The following AGR2 variants were observed in gnomAD, a reference collection of about 807,000 sequenced individuals.
The protein encoded by AGR2 is anterior gradient 2, protein disulphide isomerase family member.
A neutral mutation model predicts 25.9 loss-of-function variants in AGR2; 27 were observed. That is an observed-to-expected ratio of 1.04 (90% CI 0.77 to 1.44). The LOEUF (loss-of-function observed/expected upper bound fraction) is 1.44. Among genes scored for constraint, AGR2 ranks in the 40% most tolerant of loss-of-function variants. The pLI, the probability that AGR2 is intolerant of heterozygous loss-of-function variation, is 0.00. For synonymous variants in AGR2, 78 were observed against 72.0 expected, an observed-to-expected ratio of 1.08 and a Z score of -0.42; for missense variants, 182 against 200.9, an observed-to-expected ratio of 0.91 and a Z score of 0.57.
chr7:16,801,453 G>T, intron 2 of AGR2, 70 bp from the exon 3 acceptor site: 2 of 1,444,956 alleles, frequency 1.4e-6, no homozygotes, highest in South Asian at 1.2e-5. Context: ...AAAAGCAATG[G>T]TAAAGACTGG....
At chr7:16,802,928 G>A (rs1046029629) in intron 1 of AGR2, among the ~76,000 whole-genome samples, 17 of 152,000 alleles carry the variant, frequency 1.1e-4, no homozygotes, top group Non-Finnish European at 2.1e-4. Flanking sequence ...CACCTCCTGG[G>A]TTCAAGTGAT....
At chr7:16,801,294 G>C (rs1415360211) in intron 3 of AGR2, 26 bp downstream of exon 3, 3 of 1,609,120 alleles carry the variant, frequency 1.9e-6, no homozygotes, top group Non-Finnish European at 2.6e-6. Flanking sequence ...AGCTTTGAGG[G>C]AGCTCTGAGT....
At chr7:16,803,233 T>A (rs1312994119) in intron 1 of AGR2, 1 of 152,086 alleles carries the variant, frequency 6.6e-6, no homozygotes, top group Admixed American at 6.6e-5. Flanking sequence ...CAAGATAAGT[T>A]TTGTGAGTGA....
At chr7:16,796,041 G>A (rs1361910730) in intron 6 of AGR2, among the ~76,000 whole-genome samples, 2 of 152,214 alleles carry the variant, frequency 1.3e-5, no homozygotes, top group African/African-American at 4.8e-5. Flanking sequence ...CAGCTCACCT[G>A]GCTGCACATT....
rs113958518 is a variant in AGR2 at position 16,795,777 on chromosome 7, C to A, written c.395-758G>T. ...AATCGAAAGAACCTAGGACACGTGCCCTGAAAATGAGACAAGGAAGACATG... is the reference window on the plus strand; with the variant it reads ...AATCGAAAGAACCTAGGACACGTGCACTGAAAATGAGACAAGGAAGACATG... On this transcript the variant is annotated intron_variant, in intron 6 of 7. Coordinates refer to ENST00000419304, the MANE Select transcript of AGR2 (RefSeq NM_006408.4). 3.9e-5 allele frequency among the ~76,000 whole-genome samples: 6 copies of A among 152,092 alleles called. No homozygotes were observed. The East Asian group carries it at 1.2e-3, about 29-fold the overall frequency.
chr7:16,800,328 C>T (rs1357291518), intron 4 of AGR2, among the ~76,000 whole-genome samples: 2 of 152,130 alleles, frequency 1.3e-5, no homozygotes, highest in East Asian at 3.9e-4. Context: ...GGGTAGGCCA[C>T]TGTGGGCAGG....
rs745671356 is a variant in AGR2, at chr7:16,793,009, A to G, written c.479-52T>C. Reference sequence around the variant, plus strand: ...CAAGACACCATCGTGCGTTATATCGATATAATAAACCCCAAACTTGGATGC... The same window carrying G: ...CAAGACACCATCGTGCGTTATATCGGTATAATAAACCCCAAACTTGGATGC... On this transcript the variant is annotated intron_variant, in intron 7 of 7. Coordinates refer to ENST00000419304, the MANE Select transcript of AGR2 (RefSeq NM_006408.4). The G allele has an allele frequency of 2.0e-6, 3 of 1,538,062 alleles. No homozygotes were observed. In the Admixed American group the frequency reaches 5.1e-5, roughly 26 times the overall value.
chr7:16,794,807 G>A (rs570447718), intron 7 of AGR2, 129 bp downstream of exon 7: 96 of 1,547,190 alleles, frequency 6.2e-5, no homozygotes, highest in Non-Finnish European at 7.2e-5. Flanking sequence ...GCTAGTTAGG[G>A]TCAAACTGAG....
intron 5 of AGR2, among the ~76,000 whole-genome samples, chr7:16,798,346 G>C (rs1296055325): frequency 6.6e-6 from 1 of 152,180 alleles, no homozygotes; most frequent in Admixed American, 6.5e-5. Context: ...ACTTCATGCA[G>C]GGGGAAGAGT....
rs756231760 is a variant in AGR2 at position 16,799,821 on chromosome 7, T to C, written c.257-4A>G. ...TCAGCAAACACTTTCTTTAAAGCTA[T>C]AATATAAAGAAAAATCATTAAGCAT... is the stretch of plus-strand genomic sequence containing the variant. On this transcript the variant is annotated splice_polypyrimidine_tract_variant and splice_region_variant and intron_variant, in intron 4 of 7. Transcript: ENST00000419304. 1 of 1,594,596 alleles carries C rather than the reference T, an allele frequency of 6.3e-7. No individual in the cohort carries two copies. Among genetic ancestry groups the C allele is most frequent in the South Asian group, 1.1e-5 (1 of 89,918 alleles).
intron 1 of AGR2, among the ~76,000 whole-genome samples, chr7:16,803,923 ATATATATT>A (rs1256282775): frequency 1.3e-5 from 2 of 152,216 alleles, no homozygotes; most frequent in African/African-American, 4.8e-5. Context: ...AACAGCATCT[ATATATATT>A]CTAAAAAATA....
At chr7:16,795,168 C>G (rs1785023744) in intron 6 of AGR2, 149 bp from the exon 7 acceptor site, 1 of 830,242 alleles carries the variant, frequency 1.2e-6, no homozygotes, top group Non-Finnish European at 1.9e-6. Flanking sequence ...TCCATCCACT[C>G]TACTACCCAG....
chr7:16,799,631 T>G, intron 5 of AGR2, 113 bp downstream of exon 5: 2 of 646,112 alleles, frequency 3.1e-6, no homozygotes, highest in Non-Finnish European at 5.2e-6. Context: ...GATGGGATAT[T>G]TGGAAGCAAT....
intron 6 of AGR2, among the ~76,000 whole-genome samples, chr7:16,796,555 G>A (rs1330906418): frequency 6.6e-6 from 1 of 152,160 alleles, no homozygotes; most frequent in Non-Finnish European, 1.5e-5. Context: ...AAATCAGTAT[G>A]ACTTTGAACA....
At chr7:16,802,381 A>G (rs1785164021) in intron 1 of AGR2, among the ~76,000 whole-genome samples, 1 of 152,200 alleles carries the variant, frequency 6.6e-6, no homozygotes, top group Non-Finnish European at 1.5e-5. Flanking sequence ...TAATGGGGGA[A>G]CTACCGTAAT....
intron 1 of AGR2, among the ~76,000 whole-genome samples, chr7:16,804,007 A>G (rs1344091095): frequency 6.6e-6 from 1 of 152,140 alleles, no homozygotes; most frequent in Non-Finnish European, 1.5e-5. Flanking sequence ...CCAAGTAGCT[A>G]TTAGGACCTT....
chr7:16,800,114 A>T (rs1562527693), intron 4 of AGR2, among the ~76,000 whole-genome samples: 1 of 152,086 alleles, frequency 6.6e-6, no homozygotes, highest in Non-Finnish European at 1.5e-5. Flanking sequence ...TGCAGTGAAC[A>T]AAAAAAAGCA....
rs555706251 is a variant in AGR2 at position 16,800,842 on chromosome 7, T to C, written c.256+309A>G. On this transcript the variant is annotated intron_variant, in intron 4 of 7. Transcript: ENST00000419304. Reference sequence around the variant, plus strand: ...TGTGAGATGGCACAGGCTTCATGCCTGTGAAGCTGGTGCTGGTTTAAGGAT... The same window carrying C: ...TGTGAGATGGCACAGGCTTCATGCCCGTGAAGCTGGTGCTGGTTTAAGGAT... Among the ~76,000 whole-genome samples the C allele has an allele frequency of 1.2e-4, 18 of 152,338 alleles. No homozygotes were observed. The South Asian group carries it at 3.7e-3, about 32-fold the overall frequency.
chr7:16,795,298 A>G (rs75251581), intron 6 of AGR2, among the ~76,000 whole-genome samples: 1 of 149,584 alleles, frequency 6.7e-6, no homozygotes, highest in African/African-American at 2.5e-5. Context: ...AGAATAATAT[A>G]TATTTAGGGG....
Sources: allele counts gnomAD v4.1 joint callset (sites outside exome capture counted in the v4.1 genomes callset), GRCh38; gene constraint gnomAD v4.1.1; transcripts MANE v1.5; gene names NCBI Gene and HGNC (gene_info 2026-07-23, HGNC 2026-07-21).